The following FAT3 variants were observed in gnomAD, a reference collection of about 807,000 sequenced individuals.
The protein encoded by FAT3 is protocadherin Fat 3.
Under a neutral mutation model 310.2 loss-of-function variants are expected in FAT3, and 95 were observed. That is an observed-to-expected ratio of 0.31 (90% CI 0.26 to 0.36). The LOEUF is 0.36. FAT3 is among the 10% of genes least tolerant of loss of function. The probability of loss-of-function intolerance (pLI) is 1.00; values close to 1 mark genes in which losing one functional copy is unlikely to be tolerated. For synonymous variants in FAT3, 2,314 were observed against 2,192.9 expected, an observed-to-expected ratio of 1.06 and a Z score of -1.54; for missense variants, 5,408 against 5,715.6, an observed-to-expected ratio of 0.95 and a Z score of 1.74.
intron 2 of FAT3, among the ~76,000 whole-genome samples, chr11:92,442,597 CAA>C (rs1951101417): frequency 6.6e-6 from 1 of 152,018 alleles, no homozygotes; most frequent in South Asian, 2.1e-4. Flanking sequence ...GCACAGACAC[CAA>C]GAGTTTCCTT....
At chr11:92,762,276 C>A in intron 5 of FAT3, 106 bp downstream of exon 5, 1 of 1,180,742 alleles carries the variant, frequency 8.5e-7, no homozygotes, top group Non-Finnish European at 1.2e-6. Context: ...AAAAGTGAAG[C>A]CACACAGCTG....
At chr11:92,553,179 A>G (rs1360771272) in intron 3 of FAT3, among the ~76,000 whole-genome samples, 2 of 152,184 alleles carry the variant, frequency 1.3e-5, no homozygotes, top group Non-Finnish European at 2.9e-5. Context: ...GCTGCGAAAA[A>G]TTAATATTCC....
intron 3 of FAT3, 60 bp downstream of exon 3, chr11:92,525,008 C>A (rs887607519): frequency 7.5e-7 from 1 of 1,337,526 alleles, no homozygotes; most frequent in East Asian, 2.3e-5. Flanking sequence ...AATTCATCAG[C>A]CTGACACTTT....
chr11:92,462,492 C>T (rs2135114739), intron 2 of FAT3, among the ~76,000 whole-genome samples: 1 of 152,172 alleles, frequency 6.6e-6, no homozygotes, highest in South Asian at 2.1e-4. Flanking sequence ...GAAATTTTAT[C>T]TAAAGTTTTA....
intron 2 of FAT3, among the ~76,000 whole-genome samples, chr11:92,468,120 G>A (rs929010460): frequency 2.0e-5 from 3 of 152,142 alleles, no homozygotes; most frequent in Non-Finnish European, 4.4e-5. Flanking sequence ...GGGCCAGGTC[G>A]GGTTTAATCA....
rs1288217404 is a variant in FAT3 at position 92,524,960 on chromosome 11, C to G, written c.3607+12C>G. On this transcript the variant is annotated intron_variant, in intron 3 of 27. Transcript: ENST00000525166. ...CAATATCAAAACAGGTAAGGGAATG[C>G]TTATATGACTTCTTTTTAGTTTGTA... The G allele has an allele frequency of 6.2e-7, 1 of 1,602,630 alleles. No homozygotes were observed. Among genetic ancestry groups the G allele is most frequent in the East Asian group, 2.2e-5 (1 of 44,772 alleles).
intron 4 of FAT3, among the ~76,000 whole-genome samples, chr11:92,729,593 AT>A (rs1448192675): frequency 6.6e-6 from 1 of 151,728 alleles, no homozygotes; most frequent in Non-Finnish European, 1.5e-5. Context: ...TGCCTGGCTA[AT>A]TTTTTGTATT....
Position 92,326,474 on chromosome 11 carries a change from G to C in FAT3, c.-17-25622G>C, listed in dbSNP as rs149488297. 7.9e-3 allele frequency among the ~76,000 whole-genome samples: 1,207 copies of C among 152,280 alleles called. 23 individuals carry two copies. Among genetic ancestry groups the C allele is most frequent in the African/African-American group, 0.028 (1,155 of 41,526 alleles). On this transcript the variant is annotated intron_variant, in intron 1 of 27. Coordinates refer to ENST00000525166, the MANE Select transcript of FAT3 (RefSeq NM_001367949.2). ...ACACTTAATGTCTGTATTACTTATT[G>C]GATGCGGTAGACAAAGAAGGAAACA...
intron 3 of FAT3, among the ~76,000 whole-genome samples, chr11:92,665,639 A>C (rs1164015082): frequency 3.9e-5 from 6 of 152,044 alleles, no homozygotes; most frequent in African/African-American, 7.2e-5. Context: ...TCACATGTGA[A>C]CTCTTCTTTT....
At chr11:92,323,019 G>A (rs762280938) in intron 1 of FAT3, among the ~76,000 whole-genome samples, 4 of 151,782 alleles carry the variant, frequency 2.6e-5, no homozygotes, top group African/African-American at 4.8e-5. Context: ...ATTCATCAGA[G>A]GAATCATTAT....
rs147702453 is a variant in FAT3, at chr11:92,890,537, G to C, written c.13194G>C (p.Ser4398=). The change falls in exon 28 of 28, where the codon TCG becomes TCC. Residue 4398 remains serine (S), a synonymous_variant. Transcript: ENST00000525166. ...ATTGGATGCCAGGGGCCCGCCTGTC[G>C]GACATAGAGGAAGTGCCCAACTATG... ...TSDWMPGARL[S]DIEEVPNYEN... is the part of the protein sequence containing the mutation. 1 of 1,611,560 alleles carries C rather than the reference G, an allele frequency of 6.2e-7. No individual in the cohort carries two copies. The highest frequency in any genetic ancestry group is 8.5e-7 in the Non-Finnish European group (1 of 1,179,182).
intron 1 of FAT3, among the ~76,000 whole-genome samples, chr11:92,248,049 G>T (rs1323999841): frequency 1.3e-5 from 2 of 152,026 alleles, no homozygotes; most frequent in African/African-American, 4.8e-5. Context: ...GAACATTTAA[G>T]AAGTATTTAA....
chr11:92,503,896 C>G (rs1039419710), intron 2 of FAT3, among the ~76,000 whole-genome samples: 2 of 152,112 alleles, frequency 1.3e-5, no homozygotes, highest in African/African-American at 4.8e-5. Context: ...GCTTTGTGCT[C>G]TTTTGAGATG....
At chr11:92,867,910 T>A (rs1591832695) in intron 22 of FAT3, among the ~76,000 whole-genome samples, 1 of 151,304 alleles carries the variant, frequency 6.6e-6, no homozygotes, top group Non-Finnish European at 1.5e-5. Context: ...GAGTAGGCAT[T>A]AAAAAAAAGC....
At chr11:92,808,235 A>G (rs957861789) in intron 12 of FAT3, among the ~76,000 whole-genome samples, 1 of 152,244 alleles carries the variant, frequency 6.6e-6, no homozygotes, top group Admixed American at 6.5e-5. Flanking sequence ...CAAGTTAACC[A>G]ATAATAACAA....
chr11:92,376,581 C>A (rs549821915), intron 2 of FAT3, among the ~76,000 whole-genome samples: 12 of 152,110 alleles, frequency 7.9e-5, no homozygotes, highest in African/African-American at 2.9e-4. Context: ...ATTTCCTAGT[C>A]GGTTCATGGG....
chr11:92,414,221 C>T (rs77112383), intron 2 of FAT3, among the ~76,000 whole-genome samples: 3,896 of 152,222 alleles, frequency 0.026, 179 homozygotes, highest in African/African-American at 0.088. Flanking sequence ...TGTCTAAAAA[C>T]AAGCTGAGAG....
intron 2 of FAT3, among the ~76,000 whole-genome samples, chr11:92,523,999 G>T (rs1292652969): frequency 6.6e-6 from 1 of 152,110 alleles, no homozygotes; most frequent in Non-Finnish European, 1.5e-5. Flanking sequence ...AAGGGGGATG[G>T]AACTCGTTTG....
intron 1 of FAT3, among the ~76,000 whole-genome samples, chr11:92,231,645 A>G (rs1864185538): frequency 6.6e-6 from 1 of 152,224 alleles, no homozygotes; most frequent in African/African-American, 2.4e-5. Context: ...AGCACTCTGG[A>G]GCAGCTATTG....
Sources: gnomAD v4.1 joint callset for allele counts (sites outside exome capture counted in the v4.1 genomes callset) on GRCh38, gnomAD v4.1.1 for gene constraint, MANE v1.5 for transcripts, NCBI Gene and HGNC (gene_info 2026-07-23, HGNC 2026-07-21) for gene names.